The following CCDC7 variants were observed in gnomAD, a reference collection of about 807,000 sequenced individuals.
CCDC7 encodes coiled-coil domain containing 7, also known as coiled-coil domain-containing protein 7.
In CCDC7, 183 loss-of-function variants were observed where a neutral mutation model predicts 196.9. That is an observed-to-expected ratio of 0.93 (90% CI 0.82 to 1.05). The LOEUF (loss-of-function observed/expected upper bound fraction) is 1.05, where lower values mean the gene tolerates loss of function less well. Ranked by LOEUF, CCDC7 falls within the 50% of genes least tolerant of loss-of-function variation. The pLI, the probability that CCDC7 is intolerant of heterozygous loss-of-function variation, is 0.00. For missense variants in CCDC7, 1,540 were observed against 1,482.2 expected, an observed-to-expected ratio of 1.04 and a Z score of -0.64; for synonymous variants, 525 against 484.6, an observed-to-expected ratio of 1.08 and a Z score of -1.10.
intron 28 of CCDC7, among the ~76,000 whole-genome samples, chr10:32,733,788 T>G (rs546142319): frequency 2.6e-5 from 4 of 152,326 alleles, no homozygotes; most frequent in African/African-American, 7.2e-5. Flanking sequence ...ATTTATTGTG[T>G]GCAAATTTAT....
At chr10:32,766,814 T>A (rs2078378002) in intron 28 of CCDC7, among the ~76,000 whole-genome samples, 1 of 152,076 alleles carries the variant, frequency 6.6e-6, no homozygotes, top group Non-Finnish European at 1.5e-5. Context: ...GCCAAATACC[T>A]ATGGTCTCCA....
intron 29 of CCDC7, among the ~76,000 whole-genome samples, chr10:32,802,278 G>A (rs751929626): frequency 1.1e-4 from 16 of 152,086 alleles, no homozygotes; most frequent in Non-Finnish European, 2.2e-4. Context: ...ATGGTCAAAG[G>A]TATTATGTAT....
intron 25 of CCDC7, among the ~76,000 whole-genome samples, chr10:32,720,641 T>C (rs11595683): frequency 0.14 from 21,762 of 152,110 alleles, 1,894 homozygotes; most frequent in African/African-American, 0.25. Context: ...TAGAATCTTA[T>C]GTAAACATCC....
intron 18 of CCDC7, among the ~76,000 whole-genome samples, chr10:32,616,177 A>G (rs2062746327): frequency 6.6e-6 from 1 of 151,858 alleles, no homozygotes; most frequent in Admixed American, 6.6e-5. Flanking sequence ...TTTTAGGATT[A>G]TTTTATCGAA....
chr10:32,693,307 C>G (rs181908291), intron 23 of CCDC7, among the ~76,000 whole-genome samples: 160 of 152,222 alleles, frequency 1.1e-3, no homozygotes, highest in African/African-American at 3.7e-3. Context: ...CCAGTCCTCT[C>G]CCTCATTTTG....
chr10:32,533,494 A>T (rs2050011936), intron 11 of CCDC7, among the ~76,000 whole-genome samples: 1 of 151,970 alleles, frequency 6.6e-6, no homozygotes, highest in Non-Finnish European at 1.5e-5. Context: ...AAGGCGTTTT[A>T]TACCTGGAAA....
At chr10:32,581,615 T>C (rs1390415995) in intron 16 of CCDC7, among the ~76,000 whole-genome samples, 5 of 152,176 alleles carry the variant, frequency 3.3e-5, no homozygotes, top group East Asian at 1.9e-4. Context: ...GTTGTTATGC[T>C]GTGGTTCCTT....
At chr10:32,632,583 A>C (rs567115349) in intron 18 of CCDC7, among the ~76,000 whole-genome samples, 1 of 152,180 alleles carries the variant, frequency 6.6e-6, no homozygotes, top group Admixed American at 6.5e-5. Flanking sequence ...TTGCAGCTGT[A>C]AAATTCCTCT....
At chr10:32,609,469 C>T (rs1205709369) in intron 18 of CCDC7, among the ~76,000 whole-genome samples, 1 of 152,012 alleles carries the variant, frequency 6.6e-6, no homozygotes, top group African/African-American at 2.4e-5. Context: ...TTTTTAAATT[C>T]TATCCTTTTA....
intron 21 of CCDC7, among the ~76,000 whole-genome samples, chr10:32,671,886 C>T (rs2074126620): frequency 6.6e-6 from 1 of 152,134 alleles, no homozygotes; most frequent in Admixed American, 6.6e-5. Flanking sequence ...GCAGCCAATG[C>T]TGTGAATGTT....
chr10:32,829,399 G>A (rs1439030562), intron 32 of CCDC7, among the ~76,000 whole-genome samples: 1 of 152,220 alleles, frequency 6.6e-6, no homozygotes, highest in Non-Finnish European at 1.5e-5. Context: ...TAATTGTCAT[G>A]AGTATTTCCT....
chr10:32,477,686 T>A (rs1305355827), intron 8 of CCDC7, among the ~76,000 whole-genome samples: 1 of 152,202 alleles, frequency 6.6e-6, no homozygotes, highest in Non-Finnish European at 1.5e-5. Flanking sequence ...GTTTTTGGAC[T>A]CTTTATTCTG....
chr10:32,531,994 T>C (rs2049746719), intron 11 of CCDC7, among the ~76,000 whole-genome samples: 1 of 152,186 alleles, frequency 6.6e-6, no homozygotes, highest in South Asian at 2.1e-4. Flanking sequence ...CATCAACTTT[T>C]TCTTTGTTGA....
chr10:32,828,307 T>G (rs1021632029), intron 32 of CCDC7, among the ~76,000 whole-genome samples: 1 of 151,960 alleles, frequency 6.6e-6, no homozygotes, highest in East Asian at 1.9e-4. Context: ...ACCTTGTGCA[T>G]ACTTTCTCAA....
intron 13 of CCDC7, among the ~76,000 whole-genome samples, chr10:32,548,077 A>G (rs1022225558): frequency 1.3e-5 from 2 of 152,206 alleles, no homozygotes. Flanking sequence ...GCACTCGAAC[A>G]TAAATTTAAT....
chr10:32,790,363 C>T (rs1021387483), intron 29 of CCDC7, among the ~76,000 whole-genome samples: 9 of 152,318 alleles, frequency 5.9e-5, no homozygotes, highest in Non-Finnish European at 8.8e-5. Flanking sequence ...TGCATGCCTG[C>T]GGAACTAACA....
intron 18 of CCDC7, among the ~76,000 whole-genome samples, chr10:32,622,127 A>C (rs1054339385): frequency 1.3e-5 from 2 of 152,068 alleles, no homozygotes; most frequent in African/African-American, 2.4e-5. Flanking sequence ...TGTGTACTTC[A>C]TTCTGTATTC....
At chr10:32,833,515 C>T (rs2135942217) in intron 32 of CCDC7, among the ~76,000 whole-genome samples, 1 of 152,116 alleles carries the variant, frequency 6.6e-6, no homozygotes, top group East Asian at 1.9e-4. Flanking sequence ...ACCTATCTGT[C>T]CTCAAATACT....
At chr10:32,761,472 G>T (rs1028607280) in intron 28 of CCDC7, among the ~76,000 whole-genome samples, 8 of 151,960 alleles carry the variant, frequency 5.3e-5, no homozygotes, top group Non-Finnish European at 1.2e-4. Context: ...CCAAAGTAAT[G>T]AGTGTAATGA....
Sources: gnomAD v4.1 joint callset for allele counts (sites outside exome capture counted in the v4.1 genomes callset) on GRCh38, gnomAD v4.1.1 for gene constraint, MANE v1.5 for transcripts, NCBI Gene and HGNC (gene_info 2026-07-23, HGNC 2026-07-21) for gene names.